Variants in RERG observed in about 807,000 individuals in gnomAD.
The protein encoded by RERG is ras-related and estrogen-regulated growth inhibitor.
RERG carries 25 observed loss-of-function variants against 23.2 expected under a neutral mutation model. That is an observed-to-expected ratio of 1.08 (90% CI 0.79 to 1.50). The LOEUF (loss-of-function observed/expected upper bound fraction) is 1.50, where lower values mean the gene tolerates loss of function less well. RERG is among the 40% of genes most tolerant of loss of function. The pLI is 0.00. For missense variants in RERG, 253 were observed against 250.1 expected (o/e 1.01, Z -0.08); for synonymous variants, 81 against 89.1 (o/e 0.91, Z 0.51).
chr12:15,133,162 TATATATATATATGTAC>T (rs1415927416), intron 2 of RERG, among the ~76,000 whole-genome samples: 1 of 140,144 alleles, frequency 7.1e-6, no homozygotes, highest in East Asian at 2.0e-4. Flanking sequence ...TATATATATA[TATATATATATATGTAC>T]ATGTAACTAT....
Position 15,109,180 on chromosome 12 carries a change from G to C in RERG, c.530C>G (p.Thr177Arg), listed in dbSNP as rs1466441633. 2 of 1,613,312 alleles carry C rather than the reference G, an allele frequency of 1.2e-6. No homozygotes were observed. Among genetic ancestry groups the C allele is most frequent in the Admixed American group, 1.7e-5 (1 of 59,928 alleles). The change falls in exon 5 of 5, where the codon ACG becomes AGG. Residue 177 changes from threonine to arginine, a missense_variant. Transcript: ENST00000256953. ...VRRRRMVQGKTRRRSSTTHVK... is the reference protein window; with the variant it reads ...VRRRRMVQGKRRRRSSTTHVK... ...ATGCGTGGTGGAGCTGCGTCGCCTC[G>C]TCTTGCCCTGCACCATCCTCCGGCG...
intron 2 of RERG, among the ~76,000 whole-genome samples, chr12:15,193,820 G>A (rs1018221320): frequency 3.9e-5 from 6 of 152,142 alleles, no homozygotes; most frequent in African/African-American, 1.4e-4. Flanking sequence ...TTGCAAATGA[G>A]AGAAATCTGC....
chr12:15,161,952 G>A (rs1864621424), intron 2 of RERG, among the ~76,000 whole-genome samples: 1 of 152,156 alleles, frequency 6.6e-6, no homozygotes, highest in South Asian at 2.1e-4. Context: ...AAGTTACTAA[G>A]AGGTGGAGGC....
At chr12:15,213,866 A>G (rs994708427) in intron 2 of RERG, among the ~76,000 whole-genome samples, 1 of 152,230 alleles carries the variant, frequency 6.6e-6, no homozygotes, top group Non-Finnish European at 1.5e-5. Flanking sequence ...TATTGGTGAC[A>G]CTAATATATT....
chr12:15,120,871 A>G (rs1482035506), intron 3 of RERG, among the ~76,000 whole-genome samples, 192 bp downstream of exon 3: 1 of 152,154 alleles, frequency 6.6e-6, no homozygotes, highest in East Asian at 1.9e-4. Flanking sequence ...TATGCATTAA[A>G]ATCCTGCAGG....
intron 2 of RERG, among the ~76,000 whole-genome samples, chr12:15,215,781 C>T (rs774838075): frequency 4.6e-5 from 7 of 152,110 alleles, no homozygotes; most frequent in South Asian, 2.1e-4. Flanking sequence ...GGAAAGGCAA[C>T]GAAAACAGGC....
Position 15,220,927 on chromosome 12 carries a change from C to G in RERG, c.-115+268G>C, listed in dbSNP as rs564164607. ...AGGTATCTTGCAAGAATAAACAAATCCATTGTGGACTGCAAGTCACTTGCT... is the reference window on the plus strand; with the variant it reads ...AGGTATCTTGCAAGAATAAACAAATGCATTGTGGACTGCAAGTCACTTGCT... On this transcript the variant is annotated intron_variant, in intron 1 of 4. Coordinates refer to ENST00000256953, the MANE Select transcript of RERG (RefSeq NM_032918.3). Among the ~76,000 whole-genome samples the G allele has an allele frequency of 3.9e-5, 6 of 152,288 alleles. No homozygotes were observed. The South Asian group carries it at 1.2e-3, about 32-fold the overall frequency.
intron 2 of RERG, among the ~76,000 whole-genome samples, chr12:15,162,911 C>T (rs186681274): frequency 1.5e-3 from 232 of 152,186 alleles, no homozygotes; most frequent in Admixed American, 3.3e-3. Flanking sequence ...CTATAACATA[C>T]GTTTATATTA....
At chr12:15,216,816 C>T (rs1228502101) in intron 2 of RERG, among the ~76,000 whole-genome samples, 6 of 152,180 alleles carry the variant, frequency 3.9e-5, no homozygotes. Flanking sequence ...CTAGCGATTT[C>T]TCAGATAGTG....
At chr12:15,123,207 T>G (rs1306380993) in intron 2 of RERG, among the ~76,000 whole-genome samples, 2 of 152,160 alleles carry the variant, frequency 1.3e-5, no homozygotes, top group Non-Finnish European at 2.9e-5. Context: ...GTTCTTCAAT[T>G]CCAAAACCAT....
chr12:15,113,209 C>G (rs1863655451), intron 3 of RERG, among the ~76,000 whole-genome samples: 1 of 151,988 alleles, frequency 6.6e-6, no homozygotes. Context: ...GATGTTATAA[C>G]TCTTAAAAAT....
intron 2 of RERG, among the ~76,000 whole-genome samples, chr12:15,170,271 G>C (rs544561876): frequency 6.6e-6 from 1 of 151,952 alleles, no homozygotes; most frequent in Non-Finnish European, 1.5e-5. Flanking sequence ...GTGCACTGTA[G>C]GTTCATAAAT....
chr12:15,110,463 CTTTTTTT>C lies in RERG; in HGVS notation c.192+874_192+880del, dbSNP rs869218147. 1.6e-3 allele frequency among the ~76,000 whole-genome samples: 116 copies of C among 73,128 alleles called. 1 individual carries two copies. The highest frequency in any genetic ancestry group is 4.7e-3 in the East Asian group (10 of 2,146). The allele number at this position is 73,128 out of a possible 152,430, so 48.0% of individuals were successfully genotyped here. ...CTGTCATTCCAGTGGCCATTTTTTT[CTTTTTTT>C]TTTTTTTTTTTTTTTTTTTTTTTAC... On this transcript the variant is annotated intron_variant, in intron 4 of 4. Coordinates refer to ENST00000256953, the MANE Select transcript of RERG (RefSeq NM_032918.3).
At chr12:15,118,325 A>G (rs1034125073) in intron 3 of RERG, among the ~76,000 whole-genome samples, 1 of 152,220 alleles carries the variant, frequency 6.6e-6, no homozygotes, top group Non-Finnish European at 1.5e-5. Context: ...GTTAATATGT[A>G]GAATGATGTT....
Position 15,204,826 on chromosome 12 carries a change from C to A in RERG, c.61+12603G>T, listed in dbSNP as rs1000739464. On this transcript the variant is annotated intron_variant, in intron 2 of 4. Transcript: ENST00000256953. The stretch of plus-strand genomic sequence containing the variant: ...TGATAATAAATAGCTTACCAAATTT[C>A]ACTTTTTAAAAACTCATAATGAGCT... Among the ~76,000 whole-genome samples the A allele has an allele frequency of 3.1e-4, 47 of 151,858 alleles. 1 individual carries two copies. Among genetic ancestry groups the A allele is most frequent in the African/African-American group, 1.1e-3 (46 of 41,416 alleles).
intron 2 of RERG, among the ~76,000 whole-genome samples, chr12:15,133,146 G>GATATAT (rs376565973): frequency 0.032 from 3,990 of 125,028 alleles, 74 homozygotes; most frequent in Middle Eastern, 0.055. Flanking sequence ...ATCCTGTGGA[G>GATATAT]ATATATATAT....
chr12:15,194,311 G>A (rs144355196), intron 2 of RERG, among the ~76,000 whole-genome samples: 13 of 152,168 alleles, frequency 8.5e-5, no homozygotes, highest in East Asian at 1.9e-4. Flanking sequence ...AAGTATAATC[G>A]TGAATGATCA....
At chr12:15,161,147 A>AAAGT (rs1864600866) in intron 2 of RERG, among the ~76,000 whole-genome samples, 1 of 74,342 alleles carries the variant, frequency 1.3e-5, no homozygotes, top group Non-Finnish European at 2.7e-5. Flanking sequence ...AAAAAGAAAG[A>AAAGT]AAGAAAGAAA....
intron 2 of RERG, among the ~76,000 whole-genome samples, chr12:15,209,587 G>A (rs1865339716): frequency 6.6e-6 from 1 of 152,010 alleles, no homozygotes. Flanking sequence ...TTATATAAAA[G>A]TTGCTGAGAA....
Sources: gnomAD v4.1 joint callset for allele counts (sites outside exome capture counted in the v4.1 genomes callset) on GRCh38, gnomAD v4.1.1 for gene constraint, MANE v1.5 for transcripts, NCBI Gene and HGNC (gene_info 2026-07-23, HGNC 2026-07-21) for gene names.